MECOM: variants seen among roughly 807,000 people sequenced by gnomAD.
The protein encoded by MECOM is MDS1 and EVI1 complex locus.
A neutral mutation model predicts 116.3 loss-of-function variants in MECOM; 13 were observed. That is an observed-to-expected ratio of 0.11 (90% confidence interval 0.07 to 0.18). MECOM has a LOEUF of 0.18. Among genes scored for constraint, MECOM ranks in the 10% least tolerant of loss-of-function variants. The pLI is 1.00. For synonymous variants in MECOM, 528 were observed against 535.2 expected, an observed-to-expected ratio of 0.99 and a Z score of 0.19; for missense variants, 1,299 against 1,509.0, an observed-to-expected ratio of 0.86 and a Z score of 2.31.
chr3:169,457,944 G>T (rs1328396436), intron 1 of MECOM, among the ~76,000 whole-genome samples: 2 of 152,186 alleles, frequency 1.3e-5, no homozygotes, highest in East Asian at 3.8e-4. Flanking sequence ...GACACCACAG[G>T]TTTAATACTA....
chr3:169,205,412 C>G (rs1339146523), intron 2 of MECOM, among the ~76,000 whole-genome samples: 3 of 152,124 alleles, frequency 2.0e-5, no homozygotes, highest in Non-Finnish European at 4.4e-5. Context: ...GTACTCTTCT[C>G]CAGATGTACA....
intron 2 of MECOM, among the ~76,000 whole-genome samples, chr3:169,201,507 G>A (rs9860851): frequency 0.08 from 12,206 of 152,000 alleles, 547 homozygotes; most frequent in South Asian, 0.2. Context: ...ATACCCTCAA[G>A]CTAGAGTAAT....
At chr3:169,644,545 C>T (rs1773916851) in intron 1 of MECOM, among the ~76,000 whole-genome samples, 1 of 152,166 alleles carries the variant, frequency 6.6e-6, no homozygotes, top group Admixed American at 6.5e-5. Context: ...GGGTGAGCCA[C>T]CACACCCGGC....
Position 169,115,383 on chromosome 3 carries a change from C to T in MECOM, c.2489G>A (p.Arg830Lys). The change falls in exon 8 of 17, where the codon AGA becomes AAA. Residue 830 changes from arginine to lysine, a missense_variant and splice_region_variant. By Grantham distance (26) the Arg-to-Lys change is conservative (BLOSUM62 2). Around this residue, in one of 6 missense-constraint regions of MECOM, gnomAD observed 340 missense variants for 312.6 expected, o/e 1.09. Transcript: ENST00000651503. ...TTCGTCATCTTCCATACACGCTTAC[C>T]TGTAAATAGGGTCCATAAAGAAAGG... is the stretch of plus-strand genomic sequence containing the variant. ...PTPFFMDPIY[R>K]VEKRKLTDPL... 1 of 1,613,150 alleles carries T rather than the reference C, an allele frequency of 6.2e-7. No individual in the cohort carries two copies. Among genetic ancestry groups the T allele is most frequent in the Non-Finnish European group, 8.5e-7 (1 of 1,179,540 alleles).
At position 169,486,018 on chromosome 3, in the gene MECOM, G is replaced by A. The variant is rs9854014; in HGVS notation, c.38-104494C>T. 8.2e-4 allele frequency among the ~76,000 whole-genome samples: 82 copies of A among 99,998 alleles called. 2 individuals carry two copies. Among genetic ancestry groups the A allele is most frequent in the South Asian group, 1.2e-3 (4 of 3,272 alleles). 65.6% of individuals were successfully genotyped at this position (99,998 alleles called of 152,430 possible). On this transcript the variant is annotated intron_variant, in intron 1 of 16. Coordinates refer to ENST00000651503, the MANE Select transcript of MECOM (RefSeq NM_004991.4). The stretch of plus-strand genomic sequence containing the variant: ...ATGTATATATATACTATATATATAT[G>A]TATATATAGTATATATATATATGTA...
At position 169,470,742 on chromosome 3, in the gene MECOM, A is replaced by T. The variant is rs968599544; in HGVS notation, c.38-89218T>A. On this transcript the variant is annotated intron_variant, in intron 1 of 16. Transcript: ENST00000651503. The stretch of plus-strand genomic sequence containing the variant: ...CTAATGGTCCTATTGCCAGAGTATA[A>T]GTTATGAGGAATCTGGTGTATCTAT... Among the ~76,000 whole-genome samples, 3 of 152,188 alleles carry T rather than the reference A, an allele frequency of 2.0e-5. No homozygotes were observed. The East Asian group carries it at 5.8e-4, about 29-fold the overall frequency.
At chr3:169,231,424 A>C (rs773261049) in intron 2 of MECOM, among the ~76,000 whole-genome samples, 1 of 152,152 alleles carries the variant, frequency 6.6e-6, no homozygotes, top group Non-Finnish European at 1.5e-5. Context: ...ATAACAAGTA[A>C]ATGTAAATAA....
intron 1 of MECOM, among the ~76,000 whole-genome samples, chr3:169,559,067 C>CA (rs1331076265): frequency 6.6e-6 from 1 of 151,782 alleles, no homozygotes; most frequent in East Asian, 1.9e-4. Flanking sequence ...CACACACACA[C>CA]AAGTATGCAT....
At chr3:169,651,869 T>C (rs1027288480) in intron 1 of MECOM, among the ~76,000 whole-genome samples, 7 of 152,206 alleles carry the variant, frequency 4.6e-5, no homozygotes, top group African/African-American at 1.7e-4. Flanking sequence ...GGAAAAAATC[T>C]GCTGGAAGCT....
At position 169,647,574 on chromosome 3, in the gene MECOM, G is replaced by A. The variant is rs529202769; in HGVS notation, c.37+15762C>T. ...CACACCAAAAAAAAATATGCATCTG[G>A]AACAAATATTGTGCTCTAAGGGATT... is the stretch of plus-strand genomic sequence containing the variant. On this transcript the variant is annotated intron_variant, in intron 1 of 16. Transcript: ENST00000651503. Among the ~76,000 whole-genome samples, 6 of 152,180 alleles carry A rather than the reference G, an allele frequency of 3.9e-5. No homozygotes were observed. In the South Asian group the frequency reaches 1.0e-3, roughly 26 times the overall value.
intron 2 of MECOM, among the ~76,000 whole-genome samples, chr3:169,300,995 C>A (rs77557349): frequency 0.051 from 7,700 of 152,284 alleles, 573 homozygotes; most frequent in African/African-American, 0.16. Context: ...TCACTAGTTA[C>A]TGAATTAACT....
At chr3:169,610,262 G>T (rs1244881514) in intron 1 of MECOM, among the ~76,000 whole-genome samples, 2 of 152,184 alleles carry the variant, frequency 1.3e-5, no homozygotes, top group Admixed American at 1.3e-4. Flanking sequence ...AAAGGAATAC[G>T]ATCTACTAGG....
intron 1 of MECOM, among the ~76,000 whole-genome samples, chr3:169,644,101 C>T (rs1446128209): frequency 1.3e-5 from 2 of 152,112 alleles, no homozygotes; most frequent in Non-Finnish European, 2.9e-5. Flanking sequence ...TGCTACAAAA[C>T]TCCTCTTGCA....
chr3:169,146,360 AT>A, intron 2 of MECOM: 2 of 1,361,520 alleles, frequency 1.5e-6, no homozygotes, highest in South Asian at 2.4e-5. Flanking sequence ...AGGAATTCAG[AT>A]TTTGGCAACC....
At chr3:169,650,642 A>C (rs1774776295) in intron 1 of MECOM, among the ~76,000 whole-genome samples, 1 of 152,126 alleles carries the variant, frequency 6.6e-6, no homozygotes, top group African/African-American at 2.4e-5. Context: ...TCCAGAAGCC[A>C]AAGATGCTTG....
At chr3:169,141,244 G>A (rs760239675) in intron 3 of MECOM, among the ~76,000 whole-genome samples, 8 of 151,880 alleles carry the variant, frequency 5.3e-5, no homozygotes, top group Non-Finnish European at 8.8e-5. Flanking sequence ...TACCTGTCTT[G>A]CTCTAAAATT....
At chr3:169,309,928 G>A (rs1718435942) in intron 2 of MECOM, among the ~76,000 whole-genome samples, 1 of 152,146 alleles carries the variant, frequency 6.6e-6, no homozygotes, top group Non-Finnish European at 1.5e-5. Flanking sequence ...AGCAGCTATT[G>A]TGATCACCAC....
intron 1 of MECOM, among the ~76,000 whole-genome samples, chr3:169,444,883 C>T (rs950704315): frequency 3.3e-5 from 5 of 152,188 alleles, no homozygotes; most frequent in African/African-American, 1.2e-4. Flanking sequence ...TTGTTGGAAA[C>T]TGGAGCAAAG....
intron 2 of MECOM, among the ~76,000 whole-genome samples, chr3:169,365,981 A>G (rs922514778): frequency 1.3e-5 from 2 of 152,004 alleles, no homozygotes; most frequent in African/African-American, 4.8e-5. Flanking sequence ...TAGTAAGGTA[A>G]TGGAGAGAGA....
Sources: gnomAD v4.1 joint callset for allele counts (sites outside exome capture counted in the v4.1 genomes callset) on GRCh38, gnomAD v4.1.1 for gene constraint, gnomAD v4.1.1 regional missense constraint, MANE v1.5 for transcripts, NCBI Gene and HGNC (gene_info 2026-07-23, HGNC 2026-07-21) for gene names.